MAML2: variants seen among roughly 807,000 people sequenced by gnomAD.
The protein encoded by MAML2 is mastermind like transcriptional coactivator 2.
In MAML2, 22 loss-of-function variants were observed where a neutral mutation model predicts 96.1. The observed-to-expected ratio is 0.23, with a 90% confidence interval of 0.16 to 0.33. The LOEUF is 0.33. Among genes scored for constraint, MAML2 ranks in the 10% least tolerant of loss-of-function variants. MAML2 has a pLI of 1.00. For missense variants in MAML2, 1,367 were observed against 1,392.4 expected (o/e 0.98, Z 0.29); for synonymous variants, 561 against 521.3 (o/e 1.08, Z -1.04).
intron 1 of MAML2, among the ~76,000 whole-genome samples, chr11:96,184,660 G>A (rs1418904350): frequency 2.0e-5 from 3 of 149,972 alleles, no homozygotes; most frequent in Non-Finnish European, 3.0e-5. Context: ...CGCTGTCTGG[G>A]CTCACTGCTA....
chr11:96,258,702 T>G (rs912411608), intron 1 of MAML2, among the ~76,000 whole-genome samples: 1 of 152,196 alleles, frequency 6.6e-6, no homozygotes, highest in African/African-American at 2.4e-5. Context: ...TTCCAGCCAC[T>G]ATCAGCAGAT....
At chr11:96,115,952 G>T (rs1348952257) in intron 1 of MAML2, among the ~76,000 whole-genome samples, 2 of 152,162 alleles carry the variant, frequency 1.3e-5, no homozygotes, top group African/African-American at 4.8e-5. Flanking sequence ...TGAACCTGAA[G>T]AGCTATCTCA....
chr11:96,297,542 T>TTG (rs1863320778), intron 1 of MAML2, among the ~76,000 whole-genome samples: 1 of 152,112 alleles, frequency 6.6e-6, no homozygotes, highest in African/African-American at 2.4e-5. Flanking sequence ...GCCACTGCAC[T>TTG]ATAGCCTGGA....
At chr11:96,050,305 A>T (rs1030681867) in intron 2 of MAML2, among the ~76,000 whole-genome samples, 5 of 152,168 alleles carry the variant, frequency 3.3e-5, no homozygotes, top group African/African-American at 1.2e-4. Flanking sequence ...CATAGGGTGA[A>T]AGATCACTGG....
intron 1 of MAML2, among the ~76,000 whole-genome samples, chr11:96,337,346 A>G (rs1371247321): frequency 6.6e-6 from 1 of 152,252 alleles, no homozygotes; most frequent in Non-Finnish European, 1.5e-5. Context: ...CTTGATTATT[A>G]TCAGTTAAAA....
chr11:96,291,189 A>G (rs1419786303), intron 1 of MAML2, among the ~76,000 whole-genome samples: 1 of 137,386 alleles, frequency 7.3e-6, no homozygotes, highest in African/African-American at 2.8e-5. Context: ...GCAATGGCGC[A>G]ATATCGGTTC....
At chr11:96,045,937 T>C (rs1858894028) in intron 2 of MAML2, among the ~76,000 whole-genome samples, 1 of 151,548 alleles carries the variant, frequency 6.6e-6, no homozygotes, top group African/African-American at 2.4e-5. Flanking sequence ...CCTGTTATTG[T>C]TTTTGGTTTT....
chr11:96,178,071 T>A (rs1165396631), intron 1 of MAML2, among the ~76,000 whole-genome samples: 4 of 144,000 alleles, frequency 2.8e-5, no homozygotes, highest in Non-Finnish European at 4.5e-5. Context: ...CGTTTCTTTC[T>A]GGGAATTTTT....
chr11:96,193,079 G>A (rs1861678232), intron 1 of MAML2, among the ~76,000 whole-genome samples: 1 of 152,188 alleles, frequency 6.6e-6, no homozygotes, highest in Admixed American at 6.5e-5. Context: ...ATTAAAGTAT[G>A]GTGTTGGGGC....
At chr11:96,325,620 C>T (rs987061426) in intron 1 of MAML2, among the ~76,000 whole-genome samples, 32 of 151,748 alleles carry the variant, frequency 2.1e-4, no homozygotes, top group Non-Finnish European at 2.1e-4. Flanking sequence ...CTCCTTGGGA[C>T]ACTGATCATT....
At chr11:96,150,189 T>C (rs1860897179) in intron 1 of MAML2, among the ~76,000 whole-genome samples, 1 of 152,250 alleles carries the variant, frequency 6.6e-6, no homozygotes, top group Non-Finnish European at 1.5e-5. Flanking sequence ...TTCCTCCTGA[T>C]TCATACATCA....
chr11:96,322,674 A>ACGGAG (rs1160658019), intron 1 of MAML2, among the ~76,000 whole-genome samples: 1 of 152,236 alleles, frequency 6.6e-6, no homozygotes, highest in Admixed American at 6.5e-5. Flanking sequence ...CCTGGGGGCC[A>ACGGAG]CGGAGCGAGA....
chr11:96,134,296 C>T (rs1297509983), intron 1 of MAML2, among the ~76,000 whole-genome samples: 1 of 152,234 alleles, frequency 6.6e-6, no homozygotes, highest in East Asian at 1.9e-4. Flanking sequence ...CTCACCACTA[C>T]TAAAGTTCCA....
At chr11:96,176,070 A>G (rs1198933125) in intron 1 of MAML2, among the ~76,000 whole-genome samples, 1 of 152,196 alleles carries the variant, frequency 6.6e-6, no homozygotes, top group Admixed American at 6.5e-5. Context: ...TTTAATCCCT[A>G]TATCTACCTT....
intron 1 of MAML2, among the ~76,000 whole-genome samples, chr11:96,155,550 A>ATATATATATATATATATG: frequency 1.6e-5 from 2 of 128,322 alleles, no homozygotes; most frequent in South Asian, 2.5e-4. Flanking sequence ...ATATATATAT[A>ATATATATATATATATATG]TGAGGAAAGT....
intron 1 of MAML2, among the ~76,000 whole-genome samples, chr11:96,325,547 T>C (rs1317416958): frequency 2.0e-5 from 3 of 152,218 alleles, no homozygotes; most frequent in African/African-American, 7.2e-5. Flanking sequence ...GTAGGTCATG[T>C]ACATATATTA....
intron 1 of MAML2, among the ~76,000 whole-genome samples, chr11:96,208,329 C>A (rs1861922975): frequency 6.6e-6 from 1 of 152,180 alleles, no homozygotes; most frequent in Non-Finnish European, 1.5e-5. Context: ...TTGTGAGATA[C>A]AAACCCAGTG....
intron 2 of MAML2, among the ~76,000 whole-genome samples, chr11:96,054,088 C>T (rs1859027465): frequency 6.6e-6 from 1 of 152,154 alleles, no homozygotes; most frequent in African/African-American, 2.4e-5. Context: ...GCCCATTCCT[C>T]TCTGCAAAAT....
chr11:96,132,854 A>G (rs1254903395), intron 1 of MAML2, among the ~76,000 whole-genome samples: 5 of 152,194 alleles, frequency 3.3e-5, no homozygotes, highest in Non-Finnish European at 5.9e-5. Flanking sequence ...ATTTGGGCTT[A>G]TATATTAGTC....
Sources: allele counts gnomAD v4.1 joint callset (sites outside exome capture counted in the v4.1 genomes callset), GRCh38; gene constraint gnomAD v4.1.1; transcripts MANE v1.5; gene names NCBI Gene and HGNC (gene_info 2026-07-23, HGNC 2026-07-21).